Variants in SRFBP1 observed in about 807,000 individuals in gnomAD.
The protein encoded by SRFBP1 is serum response factor-binding protein 1.
SRFBP1 carries 47 observed loss-of-function variants against 45.5 expected under a neutral mutation model. That is an observed-to-expected ratio of 1.03 (90% CI 0.82 to 1.32). The LOEUF (loss-of-function observed/expected upper bound fraction) is 1.32, where lower values mean the gene tolerates loss of function less well. Among genes scored for constraint, SRFBP1 ranks in the 40% most tolerant of loss-of-function variants. The pLI, the probability that SRFBP1 is intolerant of heterozygous loss-of-function variation, is 0.00. For missense variants in SRFBP1, 621 were observed against 484.6 expected, an observed-to-expected ratio of 1.28 and a Z score of -2.64; for synonymous variants, 203 against 166.3, an observed-to-expected ratio of 1.22 and a Z score of -1.70.
At chr5:122,068,963 C>T (rs1754378493) in intron 2 of SRFBP1, among the ~76,000 whole-genome samples, 1 of 152,010 alleles carries the variant, frequency 6.6e-6, no homozygotes, top group Non-Finnish European at 1.5e-5. Flanking sequence ...TCTACTATAA[C>T]CAACTCCACA....
chr5:122,076,932 T>G (rs1672297570), downstream of SRFBP1: 2 of 1,613,650 alleles, frequency 1.2e-6, no homozygotes, highest in Admixed American at 1.7e-5. Context: ...TCTCAGGTTG[T>G]ACATGGACAT....
chr5:122,069,080 A>G (rs914413531), intron 2 of SRFBP1, among the ~76,000 whole-genome samples: 2 of 152,102 alleles, frequency 1.3e-5, no homozygotes, highest in African/African-American at 4.8e-5. Flanking sequence ...CACAGGCTTC[A>G]TCTATCTCTA....
intron 2 of SRFBP1, among the ~76,000 whole-genome samples, chr5:122,074,643 T>C (rs957555626): frequency 1.3e-5 from 2 of 152,218 alleles, no homozygotes; most frequent in Non-Finnish European, 2.9e-5. Flanking sequence ...CATGGCATGT[T>C]TTATCCACCA....
chr5:122,010,387 C>T (rs2084686531), intron 4 of SRFBP1, among the ~76,000 whole-genome samples: 1 of 152,036 alleles, frequency 6.6e-6, no homozygotes, highest in South Asian at 2.1e-4. Flanking sequence ...CGATCCACTG[C>T]TGGAAATAGG....
chr5:121,962,117 A>AGCTCTTTTGAGACG, intron 1 of SRFBP1, 49 bp downstream of exon 1: 7 of 1,608,870 alleles, frequency 4.4e-6, no homozygotes, highest in Non-Finnish European at 6.0e-6. Flanking sequence ...CCTCAAAACC[A>AGCTCTTTTGAGACG]GCTCTTTTGA....
At chr5:122,025,216 G>GT (rs1229163912) in intron 7 of SRFBP1, among the ~76,000 whole-genome samples, 1 of 151,972 alleles carries the variant, frequency 6.6e-6, no homozygotes, top group African/African-American at 2.4e-5. Flanking sequence ...GCGGTGTTTG[G>GT]TTTTTTGTCC....
At chr5:122,066,570 A>G (rs918138740) in intron 2 of SRFBP1, 15 of 515,254 alleles carry the variant, frequency 2.9e-5, no homozygotes, top group Non-Finnish European at 5.4e-5. Context: ...TGATGACTTA[A>G]GCGTTCAAAA....
intron 2 of SRFBP1, among the ~76,000 whole-genome samples, chr5:122,041,498 A>G (rs925367318): frequency 2.0e-5 from 3 of 152,112 alleles, no homozygotes; most frequent in African/African-American, 7.2e-5. Context: ...TTTGCCTACC[A>G]TGCCTTGCAA....
chr5:122,024,960 T>C, intron 7 of SRFBP1, among the ~76,000 whole-genome samples: 1 of 152,206 alleles, frequency 6.6e-6, no homozygotes, highest in East Asian at 1.9e-4. Flanking sequence ...TTTGTTTTTT[T>C]TATTTTTATT....
At chr5:121,985,508 G>A (rs1254748300) in intron 3 of SRFBP1, among the ~76,000 whole-genome samples, 1 of 151,530 alleles carries the variant, frequency 6.6e-6, no homozygotes, top group Non-Finnish European at 1.5e-5. Flanking sequence ...TTTAATCTAG[G>A]TAATAGAAAA....
At chr5:122,006,159 A>T (rs1299513039) in intron 4 of SRFBP1, among the ~76,000 whole-genome samples, 2 of 151,762 alleles carry the variant, frequency 1.3e-5, no homozygotes, top group African/African-American at 2.4e-5. Flanking sequence ...CAACTTTGCC[A>T]AGTACAGTAT....
chr5:121,965,498 G>A (rs1752045161), intron 1 of SRFBP1, among the ~76,000 whole-genome samples: 2 of 152,132 alleles, frequency 1.3e-5, no homozygotes, highest in South Asian at 2.1e-4. Context: ...TCAGATGTTT[G>A]TAGATGTGTG....
chr5:121,979,973 G>T (rs948084064), intron 3 of SRFBP1, among the ~76,000 whole-genome samples: 20 of 152,040 alleles, frequency 1.3e-4, no homozygotes, highest in African/African-American at 4.8e-4. Context: ...TTCAGATAAG[G>T]ACCCTCCTCC....
chr5:122,014,631 G>T (rs1381690378), intron 4 of SRFBP1, among the ~76,000 whole-genome samples: 1 of 151,932 alleles, frequency 6.6e-6, no homozygotes, highest in South Asian at 2.1e-4. Flanking sequence ...TCTTTTTCTA[G>T]AGCCTTTCAG....
At chr5:122,007,564 T>C (rs1439968572) in intron 4 of SRFBP1, among the ~76,000 whole-genome samples, 1 of 151,904 alleles carries the variant, frequency 6.6e-6, no homozygotes, top group Non-Finnish European at 1.5e-5. Flanking sequence ...AGTGCTGTTT[T>C]AGAGGCTAGG....
chr5:122,057,154 G>A (rs915694921), intron 2 of SRFBP1, among the ~76,000 whole-genome samples: 1 of 152,098 alleles, frequency 6.6e-6, no homozygotes. Flanking sequence ...GTTTTCCCAT[G>A]ATATTTCAAG....
intron 2 of SRFBP1, among the ~76,000 whole-genome samples, chr5:122,034,605 C>T (rs1358171462): frequency 1.3e-5 from 2 of 152,028 alleles, no homozygotes; most frequent in African/African-American, 2.4e-5. Flanking sequence ...TTCATCAGAA[C>T]ATACAGCACA....
chr5:122,010,206 A>G (rs1346500047), intron 4 of SRFBP1, among the ~76,000 whole-genome samples: 3 of 152,186 alleles, frequency 2.0e-5, no homozygotes, highest in African/African-American at 4.8e-5. Flanking sequence ...AATTAGAGGA[A>G]GGTTCATTTT....
At chr5:122,042,740 G>A (rs2112732070) in intron 2 of SRFBP1, among the ~76,000 whole-genome samples, 1 of 152,124 alleles carries the variant, frequency 6.6e-6, no homozygotes, top group Non-Finnish European at 1.5e-5. Context: ...TGATTTTTAA[G>A]ATACTGTTTT....
Sources: gnomAD v4.1 joint callset for allele counts (sites outside exome capture counted in the v4.1 genomes callset) on GRCh38, gnomAD v4.1.1 for gene constraint, MANE v1.5 for transcripts, NCBI Gene and HGNC (gene_info 2026-07-23, HGNC 2026-07-21) for gene names.